The following TAFA2 variants were observed in gnomAD, a reference collection of about 807,000 sequenced individuals.
TAFA2 encodes TAFA chemokine like family member 2.
Under a neutral mutation model 18.8 loss-of-function variants are expected in TAFA2, and 7 were observed. The ratio of observed to expected loss-of-function variants is 0.37; its 90% CI spans 0.21 to 0.70. TAFA2 has a LOEUF of 0.70. Among genes scored for constraint, TAFA2 ranks in the 30% least tolerant of loss-of-function variants. The pLI, the probability that TAFA2 is intolerant of heterozygous loss-of-function variation, is 0.53. For missense variants in TAFA2, 122 were observed against 158.1 expected, an observed-to-expected ratio of 0.77 and a Z score of 1.23; for synonymous variants, 60 against 54.2, an observed-to-expected ratio of 1.11 and a Z score of -0.47.
chr12:62,060,396 A>C (rs1226221806), intron 1 of TAFA2, among the ~76,000 whole-genome samples: 1 of 152,232 alleles, frequency 6.6e-6, no homozygotes, highest in Non-Finnish European at 1.5e-5. Flanking sequence ...TGCATTACTC[A>C]GTTTGTAATG....
intron 1 of TAFA2, among the ~76,000 whole-genome samples, chr12:61,924,702 T>C (rs1458770969): frequency 6.6e-6 from 1 of 152,280 alleles, no homozygotes; most frequent in East Asian, 1.9e-4. Flanking sequence ...AATAACCAGC[T>C]ACCATCATAA....
chr12:61,723,920 G>C (rs1474756070), intron 4 of TAFA2, among the ~76,000 whole-genome samples: 1 of 152,050 alleles, frequency 6.6e-6, no homozygotes, highest in East Asian at 1.9e-4. Flanking sequence ...TATTTCATGA[G>C]ACAATTACCC....
chr12:61,868,630 C>T, intron 1 of TAFA2, among the ~76,000 whole-genome samples: 1 of 151,928 alleles, frequency 6.6e-6, no homozygotes, highest in East Asian at 1.9e-4. Context: ...AAAGGTAGAA[C>T]AGGTGGCTAT....
chr12:61,742,525 A>C (rs897152128), intron 4 of TAFA2, among the ~76,000 whole-genome samples: 3 of 151,992 alleles, frequency 2.0e-5, no homozygotes, highest in African/African-American at 7.2e-5. Context: ...CTCTGTCTAC[A>C]CTTTTTGTTC....
intron 1 of TAFA2, among the ~76,000 whole-genome samples, chr12:62,061,459 A>G (rs1882346632): frequency 6.6e-6 from 1 of 152,236 alleles, no homozygotes; most frequent in African/African-American, 2.4e-5. Flanking sequence ...AGTTTGTGAA[A>G]TTACACTCTG....
chr12:61,795,340 T>C (rs1207557694), intron 2 of TAFA2, among the ~76,000 whole-genome samples: 1 of 152,034 alleles, frequency 6.6e-6, no homozygotes, highest in Non-Finnish European at 1.5e-5. Flanking sequence ...CAAATGTCCA[T>C]CAATGATAGA....
chr12:61,732,754 T>A (rs1029766077), intron 4 of TAFA2, among the ~76,000 whole-genome samples: 1 of 151,282 alleles, frequency 6.6e-6, no homozygotes, highest in Non-Finnish European at 1.5e-5. Context: ...TGTGTGTGTG[T>A]GCGTGCGTGC....
intron 2 of TAFA2, among the ~76,000 whole-genome samples, chr12:61,863,799 C>G (rs568216046): frequency 1.3e-5 from 2 of 152,238 alleles, no homozygotes; most frequent in Admixed American, 6.5e-5. Flanking sequence ...TAGAGACTTA[C>G]CTTCTGCTAA....
chr12:61,722,486 A>G (rs1292394803), intron 4 of TAFA2, among the ~76,000 whole-genome samples: 4 of 152,160 alleles, frequency 2.6e-5, no homozygotes, highest in African/African-American at 9.7e-5. Context: ...CAGTGTTATG[A>G]CCTGCAGTGG....
intron 1 of TAFA2, among the ~76,000 whole-genome samples, chr12:62,067,053 T>A (rs773480565): frequency 3.9e-5 from 6 of 152,136 alleles, no homozygotes; most frequent in Non-Finnish European, 7.4e-5. Flanking sequence ...TATGCATTTA[T>A]CTGAAGATCA....
At chr12:61,876,239 G>A (rs1053647089) in intron 1 of TAFA2, among the ~76,000 whole-genome samples, 6 of 152,102 alleles carry the variant, frequency 3.9e-5, no homozygotes, top group Admixed American at 1.3e-4. Flanking sequence ...TAGTTCTGGT[G>A]TACCTGTTCT....
intron 2 of TAFA2, among the ~76,000 whole-genome samples, chr12:61,755,935 T>A (rs1565622751): frequency 6.6e-6 from 1 of 152,088 alleles, no homozygotes; most frequent in Non-Finnish European, 1.5e-5. Context: ...AAATCAAACA[T>A]TTGTTAAAAG....
chr12:61,940,580 G>A (rs1011288700), intron 1 of TAFA2, among the ~76,000 whole-genome samples: 2 of 152,182 alleles, frequency 1.3e-5, no homozygotes, highest in African/African-American at 4.8e-5. Context: ...AGATTACAAT[G>A]GGCCTCAGAT....
intron 1 of TAFA2, among the ~76,000 whole-genome samples, chr12:62,112,232 C>T (rs1869765854): frequency 1.3e-5 from 2 of 152,068 alleles, no homozygotes; most frequent in African/African-American, 4.8e-5. Flanking sequence ...GATTTTATTT[C>T]TCCTTTGCTT....
chr12:61,860,311 T>C (rs1874075205), intron 2 of TAFA2, among the ~76,000 whole-genome samples: 1 of 152,174 alleles, frequency 6.6e-6, no homozygotes, highest in Non-Finnish European at 1.5e-5. Flanking sequence ...AATGTGTCAT[T>C]AAAAGTCCAG....
At chr12:62,203,000 T>G (rs373875751) in intron 1 of TAFA2, among the ~76,000 whole-genome samples, 7 of 152,136 alleles carry the variant, frequency 4.6e-5, no homozygotes, top group African/African-American at 1.4e-4. Flanking sequence ...CTAATTTTTG[T>G]ATTTCTAGTA....
At chr12:61,737,262 A>C (rs557919173) in intron 4 of TAFA2, among the ~76,000 whole-genome samples, 1 of 152,060 alleles carries the variant, frequency 6.6e-6, no homozygotes, top group South Asian at 2.1e-4. Flanking sequence ...ATTTTAAAGA[A>C]AAATTATATT....
chr12:61,726,020 CTT>C (rs56346396), intron 4 of TAFA2, among the ~76,000 whole-genome samples: 123 of 143,738 alleles, frequency 8.6e-4, no homozygotes, highest in Admixed American at 9.6e-4. Flanking sequence ...TTTCTTTTTT[CTT>C]TTTTTTTTTT....
chr12:62,237,518 A>G (rs978256304), intron 1 of TAFA2, among the ~76,000 whole-genome samples: 9 of 152,256 alleles, frequency 5.9e-5, no homozygotes, highest in African/African-American at 2.2e-4. Flanking sequence ...TACTATTACC[A>G]TGTCATTAGA....
Sources: gnomAD v4.1 joint callset for allele counts (sites outside exome capture counted in the v4.1 genomes callset) on GRCh38, gnomAD v4.1.1 for gene constraint, MANE v1.5 for transcripts, NCBI Gene and HGNC (gene_info 2026-07-23, HGNC 2026-07-21) for gene names.